The following CEMIP variants were observed in gnomAD, a reference collection of about 807,000 sequenced individuals.
CEMIP encodes the protein cell migration inducing hyaluronidase 1.
In CEMIP, 105 loss-of-function variants were observed where a neutral mutation model predicts 156.9. That is an observed-to-expected ratio of 0.67 (90% CI 0.57 to 0.79). The LOEUF is 0.79. Ranked by LOEUF, CEMIP falls within the 30% of genes least tolerant of loss-of-function variation. The pLI, the probability that CEMIP is intolerant of heterozygous loss-of-function variation, is 0.00. For synonymous variants in CEMIP, 676 were observed against 668.4 expected (o/e 1.01, Z -0.17); for missense variants, 1,457 against 1,769.4 (o/e 0.82, Z 3.17).
chr15:80,829,965 G>GGTGTGT (rs370594946), intron 1 of CEMIP, among the ~76,000 whole-genome samples: 14,086 of 133,572 alleles, frequency 0.11, 732 homozygotes, highest in Middle Eastern at 0.14. Flanking sequence ...GGAGGTAGCG[G>GGTGTGT]GTGTGTGTGT....
Position 80,798,862 on chromosome 15 carries a change from T to A in CEMIP, c.-176+19248T>A, listed in dbSNP as rs187443785. Among the ~76,000 whole-genome samples, 382 of 152,240 alleles carry A rather than the reference T, an allele frequency of 2.5e-3. 4 individuals are homozygous for A. The highest frequency in any genetic ancestry group is 8.7e-3 in the African/African-American group (363 of 41,522). Reference sequence around the variant, plus strand: ...TATTTTTTAATGTACAATTCTAGAGTCTTCTAGAGGTTCCGTGGATTGATT... The same window carrying A: ...TATTTTTTAATGTACAATTCTAGAGACTTCTAGAGGTTCCGTGGATTGATT... On this transcript the variant is annotated intron_variant, in intron 1 of 29. Coordinates refer to ENST00000394685, the MANE Select transcript of CEMIP (RefSeq NM_001293298.2).
At chr15:80,925,535 TAG>T in intron 18 of CEMIP, 87 bp from the exon 19 acceptor site, 1 of 1,547,930 alleles carries the variant, frequency 6.5e-7, no homozygotes, top group Non-Finnish European at 8.8e-7. Context: ...GCACTGTGAG[TAG>T]AGAGAGGCTC....
intron 1 of CEMIP, among the ~76,000 whole-genome samples, chr15:80,790,342 AGACTAAAGCCT>A (rs1191464964): frequency 6.6e-6 from 1 of 152,208 alleles, no homozygotes; most frequent in Non-Finnish European, 1.5e-5. Flanking sequence ...TATTTGAATG[AGACTAAAGCCT>A]GACTAAAGTC....
chr15:80,805,954 G>A (rs1444622408), intron 1 of CEMIP, among the ~76,000 whole-genome samples: 1 of 152,140 alleles, frequency 6.6e-6, no homozygotes, highest in East Asian at 1.9e-4. Flanking sequence ...ATTTTATTAA[G>A]CTGGTTGCTT....
intron 1 of CEMIP, among the ~76,000 whole-genome samples, chr15:80,831,111 G>C (rs545839925): frequency 5.3e-4 from 80 of 152,288 alleles, no homozygotes; most frequent in African/African-American, 1.8e-3. Context: ...CTTCCAACCT[G>C]GAAATTTGGG....
At chr15:80,855,039 T>TGCC (rs1897816053) in intron 1 of CEMIP, among the ~76,000 whole-genome samples, 1 of 152,048 alleles carries the variant, frequency 6.6e-6, no homozygotes, top group Non-Finnish European at 1.5e-5. Flanking sequence ...ATTAAAAAAT[T>TGCC]AGCTCGGCAT....
At chr15:80,826,531 T>G (rs1000713360) in intron 1 of CEMIP, among the ~76,000 whole-genome samples, 3 of 152,260 alleles carry the variant, frequency 2.0e-5, no homozygotes, top group African/African-American at 7.2e-5. Context: ...CAGCAACTCA[T>G]GATCAGAGCG....
chr15:80,925,130 A>G (rs981045698), intron 18 of CEMIP, among the ~76,000 whole-genome samples: 5 of 152,232 alleles, frequency 3.3e-5, no homozygotes, highest in African/African-American at 9.6e-5. Context: ...TTTAAACCTC[A>G]AGGTAATTAG....
In CEMIP at chr15:80,930,666, A is replaced by G. The variant is rs114694365; in HGVS notation, c.2613-1193A>G. Among the ~76,000 whole-genome samples the G allele has an allele frequency of 8.3e-3, 1,260 of 152,256 alleles. 20 individuals are homozygous for G. Among genetic ancestry groups the G allele is most frequent in the African/African-American group, 0.029 (1,205 of 41,536 alleles). On this transcript the variant is annotated intron_variant, in intron 21 of 29. Coordinates refer to ENST00000394685, the MANE Select transcript of CEMIP (RefSeq NM_001293298.2). ...AACGTAAAAATATAGAAATGCAAGG[A>G]GTCTTTGGTGCCCACTGAAGGCATG...
At chr15:80,814,085 C>T (rs1896734299) in intron 1 of CEMIP, among the ~76,000 whole-genome samples, 1 of 129,888 alleles carries the variant, frequency 7.7e-6, no homozygotes, top group Admixed American at 8.9e-5. Flanking sequence ...GAGTCTCCCT[C>T]TGTTGCCCAG....
intron 1 of CEMIP, among the ~76,000 whole-genome samples, chr15:80,811,270 T>C (rs930337969): frequency 6.6e-6 from 1 of 152,236 alleles, no homozygotes; most frequent in Non-Finnish European, 1.5e-5. Context: ...CAGTTGTCCA[T>C]TGCTGAATGA....
At position 80,787,348 on chromosome 15, in the gene CEMIP, A is replaced by G. The variant is rs1895966158; in HGVS notation, c.-176+7734A>G. Among the ~76,000 whole-genome samples the G allele has an allele frequency of 2.0e-5, 3 of 152,228 alleles. No individual in the cohort carries two copies. The South Asian group carries it at 6.2e-4, about 32-fold the overall frequency. ...AAGAACCCTGCTAGGTATGTGAGGA[A>G]CTCTAGCAGAGGGAAGGGGCCCCCT... On this transcript the variant is annotated intron_variant, in intron 1 of 29. Coordinates refer to ENST00000394685, the MANE Select transcript of CEMIP (RefSeq NM_001293298.2).
intron 1 of CEMIP, among the ~76,000 whole-genome samples, chr15:80,856,059 G>A (rs1463823467): frequency 6.6e-6 from 1 of 152,234 alleles, no homozygotes; most frequent in Non-Finnish European, 1.5e-5. Context: ...CCTAGCAGAG[G>A]CAAAGTGAAT....
At chr15:80,873,402 C>T (rs73501081) in intron 1 of CEMIP, 136 bp from the exon 2 acceptor site, 3,615 of 219,774 alleles carry the variant, frequency 0.016, 123 homozygotes, top group African/African-American at 0.077. Flanking sequence ...TCCACACCCT[C>T]ATTTTAAAGG....
chr15:80,873,758 C>T (rs929849802), intron 2 of CEMIP, 62 bp downstream of exon 2: 45 of 776,596 alleles, frequency 5.8e-5, no homozygotes, highest in Non-Finnish European at 8.9e-5. Flanking sequence ...CTGCCTGTCC[C>T]GTGTCTGTGT....
chr15:80,885,237 C>G (rs1898796262), intron 7 of CEMIP, among the ~76,000 whole-genome samples: 2 of 152,228 alleles, frequency 1.3e-5, no homozygotes, highest in Non-Finnish European at 2.9e-5. Context: ...CAGCTTCCCA[C>G]ATCTGGGAGC....
intron 14 of CEMIP, among the ~76,000 whole-genome samples, chr15:80,919,011 G>A (rs1055239283): frequency 4.6e-5 from 7 of 152,164 alleles, no homozygotes; most frequent in African/African-American, 1.4e-4. Context: ...AGATCCCCGC[G>A]CTGCTTGGAT....
intron 1 of CEMIP, among the ~76,000 whole-genome samples, chr15:80,800,671 G>A (rs1896353026): frequency 6.6e-6 from 1 of 152,146 alleles, no homozygotes; most frequent in South Asian, 2.1e-4. Flanking sequence ...GCTCTTGAGG[G>A]AATCTTTTGA....
At chr15:80,910,748 C>T (rs1005637948) in intron 14 of CEMIP, among the ~76,000 whole-genome samples, 9 of 152,128 alleles carry the variant, frequency 5.9e-5, no homozygotes, top group Admixed American at 2.6e-4. Flanking sequence ...GGAGAAACAA[C>T]ACCAAACACA....
Sources: allele counts gnomAD v4.1 joint callset (sites outside exome capture counted in the v4.1 genomes callset), GRCh38; gene constraint gnomAD v4.1.1; transcripts MANE v1.5; gene names NCBI Gene and HGNC (gene_info 2026-07-23, HGNC 2026-07-21).